Variants in SETX observed in about 807,000 individuals in gnomAD.
SETX encodes the protein helicase senataxin.
In SETX, 90 loss-of-function variants were observed where a neutral mutation model predicts 227.2. The observed-to-expected ratio is 0.40, with a 90% CI of 0.33 to 0.47. The LOEUF is 0.47. Ranked by LOEUF, SETX falls within the 20% of genes least tolerant of loss-of-function variation. The probability of loss-of-function intolerance (pLI) is 0.91; values close to 1 mark genes in which losing one functional copy is unlikely to be tolerated. For missense variants in SETX, 3,052 were observed against 3,181.5 expected (o/e 0.96, Z 0.98); for synonymous variants, 1,210 against 1,113.2 (o/e 1.09, Z -1.73).
chr9:132,301,115 T>C (rs1280161161), intron 11 of SETX, among the ~76,000 whole-genome samples: 1 of 145,370 alleles, frequency 6.9e-6, no homozygotes, highest in African/African-American at 2.5e-5. Flanking sequence ...TTTTTTGAGA[T>C]GGAGTCTCGC....
chr9:132,328,892 C>A lies in SETX; in HGVS notation c.2706G>T (p.Met902Ile). Residue 902 changes from methionine (M) to isoleucine (I), a missense_variant, in exon 10 of 26, where the codon ATG becomes ATT. Physicochemically the swap from Met to Ile is conservative, Grantham distance 10. Around this residue, in one of 10 missense-constraint regions of SETX, gnomAD observed 1,483 missense variants for 1,312.0 expected, o/e 1.13. Transcript: ENST00000224140. ...ATGATTTCTTCTCTGAAGCATTGGT[C>A]ATTTCTGTAAAAGGGATCAATTCTT... ...DGKELIPFTE[M>I]TNASEKKSSP... 1 of 1,613,898 alleles carries A rather than the reference C, an allele frequency of 6.2e-7. No homozygotes were observed. The highest frequency in any genetic ancestry group is 1.1e-5 in the South Asian group (1 of 91,020).
At chr9:132,344,030 A>C (rs1848148745) in intron 4 of SETX, among the ~76,000 whole-genome samples, 2 of 152,198 alleles carry the variant, frequency 1.3e-5, no homozygotes, top group African/African-American at 2.4e-5. Context: ...GTTTGGTTCC[A>C]GGATACCAAA....
intron 17 of SETX, among the ~76,000 whole-genome samples, chr9:132,287,871 G>T (rs1194253382): frequency 6.6e-6 from 1 of 151,942 alleles, no homozygotes; most frequent in African/African-American, 2.4e-5. Flanking sequence ...TAAATAAAGG[G>T]CATTAAATAC....
chr9:132,316,627 C>G (rs1845984398), intron 10 of SETX, among the ~76,000 whole-genome samples: 1 of 152,162 alleles, frequency 6.6e-6, no homozygotes, highest in South Asian at 2.1e-4. Flanking sequence ...GCCTAATTTG[C>G]TTTTTCCCCA....
intron 17 of SETX, 90 bp downstream of exon 17, chr9:132,288,146 A>G: frequency 9.6e-7 from 1 of 1,038,238 alleles, no homozygotes; most frequent in Non-Finnish European, 1.5e-6. Context: ...ACTGCACTCC[A>G]GCCTGGAAGA....
chr9:132,270,236 T>A (rs7045098), intron 24 of SETX, among the ~76,000 whole-genome samples: 1 of 128,176 alleles, frequency 7.8e-6, no homozygotes, highest in Admixed American at 8.2e-5. Context: ...AATGACTCAG[T>A]ATGCCCATGT....
chr9:132,310,039 C>G (rs1010592006), intron 11 of SETX, among the ~76,000 whole-genome samples: 8 of 152,092 alleles, frequency 5.3e-5, no homozygotes, highest in African/African-American at 9.7e-5. Flanking sequence ...GAGGAAATGA[C>G]TTCTACCCAG....
chr9:132,329,731 CTTCTTT>C lies in SETX; in HGVS notation c.1861_1866del (p.Lys621_Glu622del). On this transcript the variant is annotated inframe_deletion, in exon 10 of 26. Coordinates refer to ENST00000224140, the MANE Select transcript of SETX (RefSeq NM_015046.7). ...GACGTCTTCCCCATTTGTTCACTTT[CTTCTTT>C]ATTATAAGATGCAGGAGAGATTTTA... 6.2e-7 allele frequency: 1 copy of C among 1,614,110 alleles called. No homozygotes were observed. Among genetic ancestry groups the C allele is most frequent in the Non-Finnish European group, 8.5e-7 (1 of 1,180,008 alleles).
chr9:132,320,166 G>GT (rs541667634), intron 10 of SETX, among the ~76,000 whole-genome samples: 37 of 152,138 alleles, frequency 2.4e-4, no homozygotes, highest in African/African-American at 8.7e-4. Flanking sequence ...TTTGTCTTTC[G>GT]TAAGAGATAA....
In SETX at chr9:132,278,231, C is replaced by T; in HGVS notation, c.6681G>A (p.Gln2227=). ...GTCTGCAGAAGCGAGCCATCATTGA[C>T]TGGTCGTAGCCATACTCCTGTGCTT... is the stretch of plus-strand genomic sequence containing the variant. ...SMKAQEYGYD[Q]SMMARFCRLL... is the part of the protein sequence containing the mutation. Residue 2227 remains glutamine, a synonymous_variant, in exon 21 of 26, where the codon CAG becomes CAA. Transcript: ENST00000224140. The T allele has an allele frequency of 6.2e-7, 1 of 1,614,150 alleles. No homozygotes were observed. The highest frequency in any genetic ancestry group is 1.3e-5 in the African/African-American group (1 of 75,038).
chr9:132,269,155 G>A (rs1842781282), intron 25 of SETX, among the ~76,000 whole-genome samples: 1 of 152,278 alleles, frequency 6.6e-6, no homozygotes, highest in Non-Finnish European at 1.5e-5. Flanking sequence ...TGTCCTGGCA[G>A]AAGAATGCCG....
chr9:132,264,486 G>A lies in SETX; in HGVS notation c.7787C>T (p.Ala2596Val), dbSNP rs200507089. Residue 2596 changes from alanine (A) to valine (V), a missense_variant, in exon 26 of 26, where the codon GCT becomes GTT. Ala to Val is a moderately conservative substitution (Grantham distance 64). Coordinates refer to ENST00000224140, the MANE Select transcript of SETX (RefSeq NM_015046.7). ...HIQQPAAVVA[A>V]LSSHKPPVRG... ...CACGGGAGGTTTGTGGCTGCTCAGA[G>A]CAGCCACTACAGCAGCGGGCTGCTG... 45 of 1,609,424 alleles carry A rather than the reference G, an allele frequency of 2.8e-5. No homozygotes were observed. The African/African-American group carries it at 5.7e-4, about 21-fold the overall frequency.
At chr9:132,342,857 A>G (rs1848063030) in intron 4 of SETX, 58 bp from the exon 5 acceptor site, 1 of 1,265,106 alleles carries the variant, frequency 7.9e-7, no homozygotes, top group African/African-American at 1.5e-5. Flanking sequence ...AAGATTCCCT[A>G]AATTAGGCTC....
At chr9:132,321,785 T>C (rs1384267844) in intron 10 of SETX, among the ~76,000 whole-genome samples, 2 of 151,144 alleles carry the variant, frequency 1.3e-5, no homozygotes, top group Non-Finnish European at 2.9e-5. Context: ...GAGGCAGAGG[T>C]TGCGGTGAGC....
At position 132,278,092 on chromosome 9, in the gene SETX, T is replaced by C; in HGVS notation, c.6820A>G (p.Asn2274Asp). The change falls in exon 21 of 26, where the codon AAC (asparagine) becomes GAC (aspartate). Residue 2274 changes from asparagine to aspartate, a missense_variant. Physicochemically the swap from Asn to Asp is conservative, Grantham distance 23. This residue lies in a region of SETX where 412 missense variants were observed against 589.0 expected (regional missense o/e 0.70). Transcript: ENST00000224140. ...CACCTATTTGTTTTTAAGTTTCTGT[T>C]ATAAACATAATTAGAAGGGAAGAGG... The part of the protein sequence containing the change: ...ICLFPSNYVY[N>D]RNLKTNRQTE... 6.2e-7 allele frequency: 1 copy of C among 1,614,122 alleles called. No individual in the cohort carries two copies. Among genetic ancestry groups the C allele is most frequent in the Non-Finnish European group, 8.5e-7 (1 of 1,179,998 alleles).
intron 20 of SETX, among the ~76,000 whole-genome samples, chr9:132,279,544 C>A (rs1223596503): frequency 6.6e-6 from 1 of 152,126 alleles, no homozygotes; most frequent in East Asian, 1.9e-4. Context: ...ACGTGCAAAG[C>A]CTGAATAAAC....
At chr9:132,342,644 T>A in intron 5 of SETX, 46 bp downstream of exon 5, 1 of 1,281,504 alleles carries the variant, frequency 7.8e-7, no homozygotes, top group Non-Finnish European at 1.1e-6. Context: ...TATCTATAGG[T>A]ACAAAAGCAC....
chr9:132,348,745 A>G (rs1323428126), intron 3 of SETX, among the ~76,000 whole-genome samples: 6 of 152,110 alleles, frequency 3.9e-5, no homozygotes, highest in South Asian at 2.1e-4. Context: ...GGGCAAAATA[A>G]TAAGACCTCG....
intron 15 of SETX, among the ~76,000 whole-genome samples, chr9:132,290,266 T>C (rs1844210862): frequency 6.6e-6 from 1 of 151,810 alleles, no homozygotes; most frequent in South Asian, 2.1e-4. Context: ...CCACGTGTTA[T>C]TATTTTATTT....
Sources: gnomAD v4.1 joint callset for allele counts (sites outside exome capture counted in the v4.1 genomes callset) on GRCh38, gnomAD v4.1.1 for gene constraint, gnomAD v4.1.1 regional missense constraint, MANE v1.5 for transcripts, NCBI Gene and HGNC (gene_info 2026-07-23, HGNC 2026-07-21) for gene names.